HNRNPR: variants seen among roughly 807,000 people sequenced by gnomAD.
HNRNPR encodes the protein heterogeneous nuclear ribonucleoprotein R.
In HNRNPR, 4 loss-of-function variants were observed where a neutral mutation model predicts 70.3. That is an observed-to-expected ratio of 0.06 (90% confidence interval 0.03 to 0.13). The LOEUF is 0.13. HNRNPR is among the 10% of genes least tolerant of loss of function. The pLI is 1.00. For missense variants in HNRNPR, 423 were observed against 788.5 expected (o/e 0.54, Z 5.55); for synonymous variants, 241 against 267.6 (o/e 0.90, Z 0.97).
intron 6 of HNRNPR, among the ~76,000 whole-genome samples, chr1:23,323,281 C>T (rs1483260546): frequency 6.7e-6 from 1 of 150,050 alleles, no homozygotes; most frequent in Non-Finnish European, 1.5e-5. Flanking sequence ...AATGCATAAG[C>T]CAAATACTCA....
chr1:23,338,934 A>G (rs753421325), intron 2 of HNRNPR, among the ~76,000 whole-genome samples: 3 of 152,248 alleles, frequency 2.0e-5, no homozygotes, highest in Non-Finnish European at 4.4e-5. Flanking sequence ...ACTGTATTAC[A>G]GATTATGCAT....
intron 5 of HNRNPR, among the ~76,000 whole-genome samples, chr1:23,330,882 TATAAA>T (rs2148433912): frequency 6.6e-6 from 1 of 152,286 alleles, no homozygotes; most frequent in South Asian, 2.1e-4. Context: ...TGAAAGAACA[TATAAA>T]AGAACAAAAT....
chr1:23,336,617 G>A (rs1646499839), intron 4 of HNRNPR, among the ~76,000 whole-genome samples: 1 of 147,788 alleles, frequency 6.8e-6, no homozygotes, highest in Admixed American at 6.8e-5. Flanking sequence ...GGATGTGGTG[G>A]CGCACGCCTG....
intron 9 of HNRNPR, 139 bp from the exon 10 acceptor site, chr1:23,311,461 T>A (rs1645334969): frequency 1.6e-6 from 1 of 616,938 alleles, no homozygotes; most frequent in Non-Finnish European, 2.7e-6. Context: ...AAAAGGTGAA[T>A]CTAGCCAGAA....
chr1:23,328,314 T>C (rs181265323), intron 5 of HNRNPR, among the ~76,000 whole-genome samples: 6 of 152,228 alleles, frequency 3.9e-5, no homozygotes, highest in Non-Finnish European at 8.8e-5. Flanking sequence ...AGAAAATGGA[T>C]TGTATGGAGA....
At chr1:23,313,914 CATTAAAGCACCT>C (rs1645433095) in intron 8 of HNRNPR, among the ~76,000 whole-genome samples, 1 of 152,120 alleles carries the variant, frequency 6.6e-6, no homozygotes, top group Admixed American at 6.5e-5. Flanking sequence ...CCTATGTTGT[CATTAAAGCACCT>C]AACACTGAGT....
At chr1:23,324,181 A>G (rs750946739) in intron 5 of HNRNPR, among the ~76,000 whole-genome samples, 1 of 151,666 alleles carries the variant, frequency 6.6e-6, no homozygotes, top group Non-Finnish European at 1.5e-5. Flanking sequence ...TTTATAAATT[A>G]AAAATAAAAA....
chr1:23,310,527 T>C lies in HNRNPR; in HGVS notation c.1829A>G (p.Tyr610Cys), dbSNP rs772666188. 3 of 1,613,982 alleles carry C rather than the reference T, an allele frequency of 1.9e-6. No individual in the cohort carries two copies. Among genetic ancestry groups the C allele is most frequent in the Non-Finnish European group, 2.5e-6 (3 of 1,179,988 alleles). ...AQQPLQQGGDYSGNYGYNNDN... is the reference protein window; with the variant it reads ...AQQPLQQGGDCSGNYGYNNDN... ...ATTATTGTAACCATAGTTACCAGAA[T>C]AGTCACCACCTTGCTGAAGCGGCTG... The change falls in exon 11 of 11, where the codon TAT (tyrosine) becomes TGT (cysteine). Residue 610 changes from tyrosine (Y) to cysteine (C), a missense_variant. Tyr to Cys is a radical substitution (Grantham distance 194). Coordinates refer to ENST00000302271, the MANE Select transcript of HNRNPR (RefSeq NM_005826.5). The surrounding 1 kb of genome is among the most constrained non-coding windows in gnomAD (Gnocchi z 6.0).
chr1:23,340,894 G>T lies in HNRNPR; in HGVS notation c.115C>A (p.Pro39Thr). 6.2e-7 allele frequency: 1 copy of T among 1,612,086 alleles called. No homozygotes were observed. Among genetic ancestry groups the T allele is most frequent in the Admixed American group, 1.7e-5 (1 of 59,740 alleles). The change falls in exon 2 of 11, where the codon CCA (proline) becomes ACA (threonine). Residue 39 changes from proline to threonine, a missense_variant. Pro to Thr is a conservative substitution (Grantham distance 38, BLOSUM62 -1). Transcript: ENST00000302271. ...HYKTLIEAGL[P>T]QKVAERLDEI... The stretch of plus-strand genomic sequence containing the variant: ...TCAAGTCTTTCTGCCACCTTCTGTG[G>T]GAGGCCTGCCTCTATCAGTGTCTTG...
chr1:23,338,408 A>G (rs1646584518), intron 3 of HNRNPR, 82 bp downstream of exon 3: 2 of 573,072 alleles, frequency 3.5e-6, no homozygotes, highest in African/African-American at 3.9e-5. Flanking sequence ...AAAAAATACC[A>G]CTTCTCCATA....
In HNRNPR at chr1:23,304,795, T is replaced by G. The variant is rs1645179556; in HGVS notation, c.*5659A>C. 1 of 152,226 alleles carries G rather than the reference T, an allele frequency of 6.6e-6. No individual in the cohort carries two copies. Among genetic ancestry groups the G allele is most frequent in the African/African-American group, 2.4e-5 (1 of 41,456 alleles). The allele number at this position is 152,226 out of a possible 1,614,324, so 9.4% of individuals were successfully genotyped here. ...AAAAGCATGATTTTTATTAAACTGA[T>G]GATTAAATGGAAAAGGTCTTGCAAA... is the stretch of plus-strand genomic sequence containing the variant. On this transcript the variant is annotated 3_prime_UTR_variant, in exon 11 of 11. Transcript: ENST00000302271.
intron 5 of HNRNPR, among the ~76,000 whole-genome samples, chr1:23,324,311 G>A (rs1483301688): frequency 3.3e-5 from 5 of 152,196 alleles, no homozygotes; most frequent in Admixed American, 3.3e-4. Flanking sequence ...GCTCACGCCT[G>A]TAATCCCAGC....
chr1:23,330,271 T>TC (rs1167775374), intron 5 of HNRNPR, among the ~76,000 whole-genome samples: 1 of 151,922 alleles, frequency 6.6e-6, no homozygotes, highest in Non-Finnish European at 1.5e-5. Context: ...GCGAGGTTGC[T>TC]CACTCCTGTA....
chr1:23,325,380 T>C (rs1645930708), intron 5 of HNRNPR, among the ~76,000 whole-genome samples: 1 of 152,210 alleles, frequency 6.6e-6, no homozygotes, highest in Non-Finnish European at 1.5e-5. Context: ...AGATGTACTA[T>C]CTAGAGATAA....
intron 5 of HNRNPR, among the ~76,000 whole-genome samples, chr1:23,330,640 C>T (rs1205383257): frequency 1.3e-5 from 2 of 152,162 alleles, no homozygotes; most frequent in Non-Finnish European, 2.9e-5. Context: ...AGCTCAGACA[C>T]ACTAAAAAAT....
intron 10 of HNRNPR, 32 bp downstream of exon 10, chr1:23,311,169 C>G: frequency 6.2e-7 from 1 of 1,612,432 alleles, no homozygotes. Context: ...TATTCCTTGT[C>G]CAAAGATATA....
At chr1:23,314,787 T>G (rs1645466762) in intron 8 of HNRNPR, among the ~76,000 whole-genome samples, 1 of 152,204 alleles carries the variant, frequency 6.6e-6, no homozygotes, top group African/African-American at 2.4e-5. Flanking sequence ...TGGCAGTATC[T>G]TAACAATTAC....
At chr1:23,333,930 T>C (rs1342229378) in intron 4 of HNRNPR, among the ~76,000 whole-genome samples, 2 of 152,114 alleles carry the variant, frequency 1.3e-5, no homozygotes, top group Non-Finnish European at 2.9e-5. Flanking sequence ...TTCTTTTTTT[T>C]TGAGATGGAG....
chr1:23,330,627 G>GTAGAGT (rs1646183576), intron 5 of HNRNPR, among the ~76,000 whole-genome samples: 1 of 152,198 alleles, frequency 6.6e-6, no homozygotes, highest in African/African-American at 2.4e-5. Context: ...GAGTAGGTCT[G>GTAGAGT]AGAGCTCAGA....
Sources: allele counts gnomAD v4.1 joint callset (sites outside exome capture counted in the v4.1 genomes callset), GRCh38; gene constraint gnomAD v4.1.1; non-coding constraint Gnocchi (gnomAD v3.1); transcripts MANE v1.5; gene names NCBI Gene and HGNC (gene_info 2026-07-23, HGNC 2026-07-21).